Variants in GNA11 observed in about 807,000 individuals in gnomAD.
GNA11 encodes the protein G protein subunit alpha 11.
A neutral mutation model predicts 38.2 loss-of-function variants in GNA11; 8 were observed. That is an observed-to-expected ratio of 0.21 (90% CI 0.12 to 0.38). GNA11 has a LOEUF of 0.38. Ranked by LOEUF, GNA11 falls within the 10% of genes least tolerant of loss-of-function variation. The pLI is 1.00. For synonymous variants in GNA11, 211 were observed against 221.4 expected (o/e 0.95, Z 0.42); for missense variants, 268 against 516.3 (o/e 0.52, Z 4.66).
Position 3,108,800 on chromosome 19 carries a change from C to T in GNA11, c.137-1349C>T, listed in dbSNP as rs1178641830. 2.0e-5 allele frequency among the ~76,000 whole-genome samples: 3 copies of T among 152,056 alleles called. No individual in the cohort carries two copies. The highest frequency in any genetic ancestry group is 1.9e-4 in the East Asian group (1 of 5,180). On this transcript the variant is annotated intron_variant, in intron 1 of 6. Transcript: ENST00000078429. This position sits in a 1 kb window ranked among gnomAD's most constrained non-coding sequence, Gnocchi z 4.5. ...CTCTCAGAAGTTGTAGTCAGGATAC[C>T]AGCCAAGCAGGGGCCACATCATTTG...
rs1914093688 is a variant in GNA11 at position 3,122,047 on chromosome 19, G to A, written c.*868G>A. The A allele has an allele frequency of 4.3e-6, 1 of 233,144 alleles. No individual in the cohort carries two copies. The highest frequency in any genetic ancestry group is 8.5e-6 in the Non-Finnish European group (1 of 117,846). The allele number at this position is 233,144 out of a possible 1,614,324, so 14.4% of individuals were successfully genotyped here. On this transcript the variant is annotated 3_prime_UTR_variant, in exon 7 of 7. Coordinates refer to ENST00000078429, the MANE Select transcript of GNA11 (RefSeq NM_002067.5). The surrounding 1 kb of genome is among the most constrained non-coding windows in gnomAD (Gnocchi z 7.7). ...GCCCGGGGACTCCAGAGGGCTGCACGGCCACCCTGCCCTGGCTAGAGCGCA... is the reference window on the plus strand; with the variant it reads ...GCCCGGGGACTCCAGAGGGCTGCACAGCCACCCTGCCCTGGCTAGAGCGCA...
intron 2 of GNA11, among the ~76,000 whole-genome samples, chr19:3,112,580 TG>T (rs1913801468): frequency 6.6e-6 from 1 of 152,254 alleles, no homozygotes; most frequent in African/African-American, 2.4e-5. Context: ...TTCACATGTG[TG>T]TGCAAGCACG....
chr19:3,105,612 A>T (rs1913621802), intron 1 of GNA11, among the ~76,000 whole-genome samples: 1 of 152,064 alleles, frequency 6.6e-6, no homozygotes, highest in Non-Finnish European at 1.5e-5. Context: ...TCCCAACACC[A>T]CTGTCTTAGG....
chr19:3,104,558 G>C (rs1490901089), intron 1 of GNA11, among the ~76,000 whole-genome samples: 4 of 152,232 alleles, frequency 2.6e-5, no homozygotes, highest in Non-Finnish European at 5.9e-5. Context: ...CATGGCTGGT[G>C]ACATGCAGTC....
intron 3 of GNA11, 90 bp downstream of exon 3, chr19:3,113,574 G>C: frequency 9.9e-7 from 1 of 1,010,474 alleles, no homozygotes; most frequent in South Asian, 1.7e-5. Flanking sequence ...GGCGTCTGTG[G>C]TGCCCCCTGC....
intron 2 of GNA11, among the ~76,000 whole-genome samples, chr19:3,112,706 G>GT (rs1467287266): frequency 3.3e-5 from 5 of 152,266 alleles, no homozygotes; most frequent in Non-Finnish European, 5.9e-5. Context: ...CATGTAAACT[G>GT]TTGAGTGCGG....
chr19:3,109,449 G>A (rs960007475), intron 1 of GNA11, among the ~76,000 whole-genome samples: 7 of 152,166 alleles, frequency 4.6e-5, no homozygotes, highest in African/African-American at 7.2e-5. Flanking sequence ...GGGTGGTAGC[G>A]TACTCGTCTC....
chr19:3,111,469 G>A (rs1174336482), intron 2 of GNA11, among the ~76,000 whole-genome samples: 1 of 152,202 alleles, frequency 6.6e-6, no homozygotes, highest in Non-Finnish European at 1.5e-5. Flanking sequence ...TCCTCAAGGT[G>A]CATCCACACA....
intron 1 of GNA11, among the ~76,000 whole-genome samples, chr19:3,107,163 G>A (rs1913659334): frequency 6.6e-6 from 1 of 152,202 alleles, no homozygotes; most frequent in Non-Finnish European, 1.5e-5. Context: ...TTGGGCCCGG[G>A]AGGCGGAGCT....
chr19:3,121,356 T>C lies in GNA11; in HGVS notation c.*177T>C, dbSNP rs545270830. The C allele has an allele frequency of 4.1e-5, 23 of 562,244 alleles. No homozygotes were observed. The highest frequency in any genetic ancestry group is 4.4e-5 in the Non-Finnish European group (14 of 316,688). The allele number at this position is 562,244 out of a possible 1,614,324, so 34.8% of individuals were successfully genotyped here. Reference sequence around the variant, plus strand: ...TTTTTATTTCACAGTTATCAGGGGATGTACATCTCTCCCTCCGTACACTTC... The same window carrying C: ...TTTTTATTTCACAGTTATCAGGGGACGTACATCTCTCCCTCCGTACACTTC... On this transcript the variant is annotated 3_prime_UTR_variant, in exon 7 of 7. Coordinates refer to ENST00000078429, the MANE Select transcript of GNA11 (RefSeq NM_002067.5).
At chr19:3,107,983 G>A (rs1311870469) in intron 1 of GNA11, among the ~76,000 whole-genome samples, 3 of 152,196 alleles carry the variant, frequency 2.0e-5, no homozygotes, top group Non-Finnish European at 4.4e-5. Context: ...TTGTGGATGA[G>A]GTGAGGGCTG....
chr19:3,107,793 G>C (rs775432967), intron 1 of GNA11, among the ~76,000 whole-genome samples: 1 of 152,098 alleles, frequency 6.6e-6, no homozygotes, highest in Non-Finnish European at 1.5e-5. Flanking sequence ...GTTCAGCACC[G>C]GTCAGTAGAG....
intron 3 of GNA11, among the ~76,000 whole-genome samples, chr19:3,113,857 G>A (rs765547672): frequency 2.6e-5 from 4 of 152,180 alleles, no homozygotes; most frequent in Admixed American, 6.5e-5. Flanking sequence ...AACCTGGGCC[G>A]TCTCGCTCCT....
Position 3,108,653 on chromosome 19 carries a change from A to G in GNA11, c.137-1496A>G, listed in dbSNP as rs1269809463. 6.6e-6 allele frequency among the ~76,000 whole-genome samples: 1 copy of G among 152,184 alleles called. No individual in the cohort carries two copies. Among genetic ancestry groups the G allele is most frequent in the Non-Finnish European group, 1.5e-5 (1 of 68,028 alleles). On this transcript the variant is annotated intron_variant, in intron 1 of 6. Transcript: ENST00000078429. The surrounding 1 kb of genome is among the most constrained non-coding windows in gnomAD (Gnocchi z 4.5). ...GTCTCTTTTTAGAAATTAGAAGTTA[A>G]CTATTGCTGTGTAATGGGGTCACCC... is the stretch of plus-strand genomic sequence containing the variant.
chr19:3,114,125 C>T (rs1354408467), intron 3 of GNA11, among the ~76,000 whole-genome samples: 3 of 152,148 alleles, frequency 2.0e-5, no homozygotes, highest in Admixed American at 1.3e-4. Context: ...GCCTGTCCCC[C>T]GCCCCTCCTG....
chr19:3,103,519 C>CGTTTTTTTTTTTTTTTTTTTT (rs1370578226), intron 1 of GNA11, among the ~76,000 whole-genome samples: 2 of 45,800 alleles, frequency 4.4e-5, no homozygotes, highest in African/African-American at 8.0e-5. Context: ...GGCCTTGAAT[C>CGTTTTTTTTTTTTTTTTTTTT]TTTTTTTTTT....
At chr19:3,096,760 G>A (rs1180228863) in intron 1 of GNA11, among the ~76,000 whole-genome samples, 5 of 152,070 alleles carry the variant, frequency 3.3e-5, no homozygotes, top group Non-Finnish European at 7.4e-5. Context: ...CTGTAAGACG[G>A]GAGGTTGCTG....
At position 3,123,744 on chromosome 19, in the gene GNA11, T is replaced by C. The variant is rs1020733645; in HGVS notation, c.*2565T>C. ...CCAGTGATACTTGTATATTACACAG[T>C]CCTGATTTCAGACAATTTCAACCTT... On this transcript the variant is annotated 3_prime_UTR_variant, in exon 7 of 7. Transcript: ENST00000078429. The C allele has an allele frequency of 4.3e-6, 1 of 232,528 alleles. No homozygotes were observed. The highest frequency in any genetic ancestry group is 8.5e-6 in the Non-Finnish European group (1 of 117,660). 14.4% of individuals were successfully genotyped at this position (232,528 alleles called of 1,614,324 possible). A position where few individuals can be genotyped will look rare whatever the true frequency, so the allele number is the denominator to read the frequency against.
In GNA11 at chr19:3,118,757, G is replaced by T. The variant is rs766634311; in HGVS notation, c.606-167G>T. ...CGGTGGTCACCCCTGGAGGCGGTGC[G>T]GCCGCTCTCTGAGAGCGTCCTTGCC... On this transcript the variant is annotated intron_variant, in intron 4 of 6. Transcript: ENST00000078429. The T allele has an allele frequency of 3.6e-5, 23 of 636,628 alleles. No individual in the cohort carries two copies. The South Asian group carries it at 4.4e-4, about 12-fold the overall frequency. 39.4% of individuals were successfully genotyped at this position (636,628 alleles called of 1,614,324 possible).
Sources: allele counts gnomAD v4.1 joint callset (sites outside exome capture counted in the v4.1 genomes callset), GRCh38; gene constraint gnomAD v4.1.1; non-coding constraint Gnocchi (gnomAD v3.1); transcripts MANE v1.5; gene names NCBI Gene and HGNC (gene_info 2026-07-23, HGNC 2026-07-21).